The following SLC7A2 variants were observed in gnomAD, a reference collection of about 807,000 sequenced individuals.
SLC7A2 encodes the protein solute carrier family 7 member 2, also known as cationic amino acid transporter 2.
A neutral mutation model predicts 58.9 loss-of-function variants in SLC7A2; 48 were observed. The ratio of observed to expected loss-of-function variants is 0.82; its 90% CI spans 0.65 to 1.04. The LOEUF (loss-of-function observed/expected upper bound fraction) is 1.04, where lower values mean the gene tolerates loss of function less well. Ranked by LOEUF, SLC7A2 falls within the 50% of genes least tolerant of loss-of-function variation. The pLI is 0.00. For missense variants in SLC7A2, 1,029 were observed against 818.8 expected (o/e 1.26, Z -3.13); for synonymous variants, 363 against 314.5 (o/e 1.15, Z -1.63).
At chr8:17,532,155 G>A (rs376635802) in intron 2 of SLC7A2, among the ~76,000 whole-genome samples, 29 of 144,082 alleles carry the variant, frequency 2.0e-4, no homozygotes, top group East Asian at 4.2e-4. Flanking sequence ...ACTTGAACCC[G>A]GGAGGCGGAG....
Position 17,565,272 on chromosome 8 carries a change from A to C in SLC7A2, c.*126A>C. On this transcript the variant is annotated 3_prime_UTR_variant, in exon 13 of 13. Coordinates refer to ENST00000494857, the MANE Select transcript of SLC7A2 (RefSeq NM_001370338.1). ...CTGCATACATAGTTCACCCTAATTT[A>C]TACTTACTCATCTGGACAGCATCTC... The C allele has an allele frequency of 1.4e-6, 1 of 699,954 alleles. No homozygotes were observed. The highest frequency in any genetic ancestry group is 2.4e-6 in the Non-Finnish European group (1 of 424,200). The allele number at this position is 699,954 out of a possible 1,614,324, so 43.4% of individuals were successfully genotyped here.
chr8:17,508,467 T>C (rs1346896424), intron 2 of SLC7A2, among the ~76,000 whole-genome samples: 1 of 152,204 alleles, frequency 6.6e-6, no homozygotes, highest in Non-Finnish European at 1.5e-5. Flanking sequence ...CTCATGCCTG[T>C]AATCCCAGCA....
intron 2 of SLC7A2, among the ~76,000 whole-genome samples, chr8:17,505,754 C>G (rs2150652058): frequency 6.6e-6 from 1 of 152,270 alleles, no homozygotes; most frequent in South Asian, 2.1e-4. Context: ...CATTTGAAAT[C>G]TAATCTTGCC....
intron 5 of SLC7A2, 89 bp from the exon 6 acceptor site, chr8:17,550,212 C>G (rs1453124390): frequency 8.1e-7 from 1 of 1,233,388 alleles, no homozygotes; most frequent in Non-Finnish European, 1.2e-6. Flanking sequence ...TAAACACAAC[C>G]ACCTTCCAAG....
chr8:17,526,279 A>T (rs1801219898), intron 2 of SLC7A2, among the ~76,000 whole-genome samples: 1 of 152,184 alleles, frequency 6.6e-6, no homozygotes, highest in Admixed American at 6.5e-5. Flanking sequence ...GGTTTGTGAA[A>T]AATGGCAAAG....
chr8:17,555,272 T>G (rs557909678), intron 8 of SLC7A2, among the ~76,000 whole-genome samples: 2 of 152,272 alleles, frequency 1.3e-5, no homozygotes, highest in African/African-American at 4.8e-5. Context: ...TGAAGTTCAT[T>G]CTTAATTGAC....
chr8:17,531,135 G>A (rs960585768), intron 2 of SLC7A2, among the ~76,000 whole-genome samples: 1 of 152,136 alleles, frequency 6.6e-6, no homozygotes, highest in South Asian at 2.1e-4. Context: ...GCCTAAGATA[G>A]GATATCTCTC....
At chr8:17,549,089 C>T (rs1358231501) in intron 5 of SLC7A2, among the ~76,000 whole-genome samples, 1 of 152,080 alleles carries the variant, frequency 6.6e-6, no homozygotes, top group Non-Finnish European at 1.5e-5. Context: ...GGAAACTCTC[C>T]CTTATAAAAC....
chr8:17,497,232 G>A lies in SLC7A2; in HGVS notation c.-74G>A, dbSNP rs1368286947. On this transcript the variant is annotated 5_prime_UTR_variant, in exon 1 of 13. Coordinates refer to ENST00000494857, the MANE Select transcript of SLC7A2 (RefSeq NM_001370338.1). ...GCCTTCTTGGCGCGACCCCAACCCA[G>A]CCCCAGTAAGTTGCTAGGTCTCCAG... The A allele has an allele frequency of 6.6e-6, 1 of 152,014 alleles. No individual in the cohort carries two copies. The highest frequency in any genetic ancestry group is 2.4e-5 in the African/African-American group (1 of 41,396). The allele number at this position is 152,014 out of a possible 1,614,324, so 9.4% of individuals were successfully genotyped here. A position where few individuals can be genotyped will look rare whatever the true frequency, so the allele number is the denominator to read the frequency against.
intron 6 of SLC7A2, 62 bp from the exon 7 acceptor site, chr8:17,551,702 T>A: frequency 8.1e-7 from 1 of 1,242,144 alleles, no homozygotes; most frequent in Non-Finnish European, 1.2e-6. Context: ...TTCACACAAT[T>A]TAATTTCTTT....
rs377088674 is a variant in SLC7A2 at position 17,560,458 on chromosome 8, C to T, written c.1429C>T (p.Arg477Trp). ...TMLQRQGFSMRTLFCPSLLPT... is the reference protein window; with the variant it reads ...TMLQRQGFSMWTLFCPSLLPT... Reference sequence around the variant, plus strand: ...GCTGCAGAGACAGGGCTTCAGCATGCGGACCCTCTTCTGCCCCTCCCTTCT... The same window carrying T: ...GCTGCAGAGACAGGGCTTCAGCATGTGGACCCTCTTCTGCCCCTCCCTTCT... Residue 477 changes from arginine to tryptophan, a missense_variant, in exon 10 of 13, where the codon CGG becomes TGG. Transcript: ENST00000494857. 90 of 1,613,846 alleles carry T rather than the reference C, an allele frequency of 5.6e-5. No homozygotes were observed. Among genetic ancestry groups the T allele is most frequent in the South Asian group, 2.0e-4 (18 of 91,078 alleles).
chr8:17,527,280 A>T (rs1309860700), intron 2 of SLC7A2, among the ~76,000 whole-genome samples: 1 of 152,184 alleles, frequency 6.6e-6, no homozygotes, highest in African/African-American at 2.4e-5. Flanking sequence ...GAGAAAAAAG[A>T]CATGAGGGTT....
chr8:17,508,446 G>A (rs1479218262), intron 2 of SLC7A2, among the ~76,000 whole-genome samples: 1 of 152,194 alleles, frequency 6.6e-6, no homozygotes, highest in African/African-American at 2.4e-5. Flanking sequence ...CAATTGAGCC[G>A]GGCACAGTGG....
intron 7 of SLC7A2, 96 bp from the exon 8 acceptor site, chr8:17,554,464 T>C: frequency 1.0e-6 from 1 of 976,882 alleles, no homozygotes; most frequent in Non-Finnish European, 1.4e-6. Context: ...TAATTACAAC[T>C]GTCATGCTGA....
chr8:17,561,012 G>A (rs532451040), intron 10 of SLC7A2, among the ~76,000 whole-genome samples: 57 of 152,282 alleles, frequency 3.7e-4, no homozygotes, highest in South Asian at 1.0e-3. Context: ...GAGACGGTCC[G>A]TACTCTCACT....
At chr8:17,541,889 A>G (rs1034217251) in intron 2 of SLC7A2, among the ~76,000 whole-genome samples, 1 of 152,104 alleles carries the variant, frequency 6.6e-6, no homozygotes, top group Admixed American at 6.5e-5. Flanking sequence ...ACTAATATTC[A>G]CACCTTGTTT....
intron 1 of SLC7A2, among the ~76,000 whole-genome samples, chr8:17,497,803 T>TTTAAAA (rs1800012638): frequency 6.6e-6 from 1 of 152,202 alleles, no homozygotes; most frequent in Admixed American, 6.5e-5. Context: ...GTGTTTGTAT[T>TTTAAAA]GGGTATTTTA....
chr8:17,554,726 A>C (rs905956687), intron 8 of SLC7A2, 27 bp downstream of exon 8: 15 of 1,590,392 alleles, frequency 9.4e-6, no homozygotes, highest in Non-Finnish European at 1.3e-5. Flanking sequence ...TTTTCTTCAG[A>C]AACGGGGGAT....
rs752576443 is a variant in SLC7A2 at position 17,543,357 on chromosome 8, C to T, written c.18C>T (p.Ala6=). 7.1e-5 allele frequency: 114 copies of T among 1,613,080 alleles called. 2 individuals are homozygous for T. Among genetic ancestry groups the T allele is most frequent in the South Asian group, 5.4e-4 (49 of 90,904 alleles). The part of the protein sequence containing the change: MIPCR[A]ALTFARCLIR... ...ACGTCAGAATGATTCCTTGCAGAGC[C>T]GCGCTGACCTTTGCCCGATGTCTGA... is the stretch of plus-strand genomic sequence containing the variant. Residue 6 remains alanine, a synonymous_variant, in exon 3 of 13, where the codon GCC becomes GCT. Transcript: ENST00000494857.
Sources: gnomAD v4.1 joint callset for allele counts (sites outside exome capture counted in the v4.1 genomes callset) on GRCh38, gnomAD v4.1.1 for gene constraint, MANE v1.5 for transcripts, NCBI Gene and HGNC (gene_info 2026-07-23, HGNC 2026-07-21) for gene names.